ESRRG: variants seen among roughly 807,000 people sequenced by gnomAD.
ESRRG encodes estrogen-related receptor gamma.
A neutral mutation model predicts 44.0 loss-of-function variants in ESRRG; 13 were observed. That is an observed-to-expected ratio of 0.30 (90% CI 0.19 to 0.47). ESRRG has a LOEUF of 0.47. Among genes scored for constraint, ESRRG ranks in the 20% least tolerant of loss-of-function variants. The probability of loss-of-function intolerance (pLI) is 1.00; values close to 1 mark genes in which losing one functional copy is unlikely to be tolerated. For missense variants in ESRRG, 395 were observed against 580.6 expected, an observed-to-expected ratio of 0.68 and a Z score of 3.29; for synonymous variants, 215 against 214.6, an observed-to-expected ratio of 1.00 and a Z score of -0.02.
At chr1:216,922,471 A>T (rs746757247) in intron 2 of ESRRG, among the ~76,000 whole-genome samples, 13 of 152,152 alleles carry the variant, frequency 8.5e-5, no homozygotes, top group Non-Finnish European at 1.6e-4. Flanking sequence ...GGGGCAAGTC[A>T]TTCTTTTCAT....
chr1:216,870,045 G>T (rs1267603267), intron 2 of ESRRG, among the ~76,000 whole-genome samples: 1 of 151,916 alleles, frequency 6.6e-6, no homozygotes, highest in Non-Finnish European at 1.5e-5. Flanking sequence ...TTTGTAGGTA[G>T]ACCATCCTTG....
chr1:216,903,786 C>T (rs2059369404), intron 2 of ESRRG, among the ~76,000 whole-genome samples: 1 of 152,060 alleles, frequency 6.6e-6, no homozygotes, highest in African/African-American at 2.4e-5. Context: ...TACCAACCAC[C>T]CTCTGCAGCT....
intron 5 of ESRRG, among the ~76,000 whole-genome samples, chr1:216,536,031 C>T (rs779488173): frequency 2.6e-5 from 4 of 152,148 alleles, no homozygotes; most frequent in Non-Finnish European, 1.5e-5. Context: ...CTATTTTGTC[C>T]AGACTGACCC....
intron 1 of ESRRG, among the ~76,000 whole-genome samples, chr1:217,051,863 A>G (rs947888818): frequency 2.0e-5 from 3 of 152,174 alleles, no homozygotes; most frequent in African/African-American, 7.2e-5. Flanking sequence ...CCTGGGCTCA[A>G]GCAATCCTCC....
intron 3 of ESRRG, among the ~76,000 whole-genome samples, chr1:216,619,353 A>G (rs1417955653): frequency 6.6e-6 from 1 of 152,242 alleles, no homozygotes; most frequent in Non-Finnish European, 1.5e-5. Context: ...AAAAGACATC[A>G]TTGGAAATAT....
At chr1:216,986,882 T>C (rs1186627747) in intron 1 of ESRRG, among the ~76,000 whole-genome samples, 1 of 152,166 alleles carries the variant, frequency 6.6e-6, no homozygotes, top group Non-Finnish European at 1.5e-5. Context: ...ATTTACATAA[T>C]GTTGCCAATA....
chr1:216,545,241 T>G (rs1041056501), intron 5 of ESRRG, among the ~76,000 whole-genome samples: 2 of 151,440 alleles, frequency 1.3e-5, no homozygotes, highest in Non-Finnish European at 2.9e-5. Context: ...TTTTTTTTTT[T>G]TTTTAAAGAC....
chr1:217,126,378 G>T (rs192069888), intron 1 of ESRRG, among the ~76,000 whole-genome samples: 1 of 151,948 alleles, frequency 6.6e-6, no homozygotes, highest in Non-Finnish European at 1.5e-5. Flanking sequence ...ATTATATCAC[G>T]CCAAGTGGTA....
chr1:217,067,857 CCCA>C (rs760258647), intron 1 of ESRRG, among the ~76,000 whole-genome samples: 55 of 152,066 alleles, frequency 3.6e-4, no homozygotes, highest in Admixed American at 6.6e-4. Flanking sequence ...GAAAAAAAAC[CCCA>C]CAACACTGAC....
intron 1 of ESRRG, among the ~76,000 whole-genome samples, chr1:217,011,183 G>GA (rs1219316860): frequency 1.3e-5 from 2 of 152,094 alleles, no homozygotes; most frequent in Non-Finnish European, 2.9e-5. Flanking sequence ...ACACTCTACA[G>GA]AAAAAATGAC....
At chr1:216,779,178 TATATAAATATATATTTATATTTATAA>T (rs1413274890) in intron 2 of ESRRG, among the ~76,000 whole-genome samples, 1,324 of 49,142 alleles carry the variant, frequency 0.027, 13 homozygotes, top group Non-Finnish European at 0.037. Context: ...TATATATAAT[TATATAAATATATATTTATATTTATAA>T]ATATAAATAT....
intron 2 of ESRRG, among the ~76,000 whole-genome samples, chr1:216,801,831 T>A (rs1380529125): frequency 6.6e-6 from 1 of 152,178 alleles, no homozygotes; most frequent in Non-Finnish European, 1.5e-5. Context: ...CAATTCTTGA[T>A]AATTAGGAGT....
chr1:216,746,374 T>A (rs900619502), intron 2 of ESRRG, among the ~76,000 whole-genome samples: 1 of 152,066 alleles, frequency 6.6e-6, no homozygotes, highest in Non-Finnish European at 1.5e-5. Flanking sequence ...ACCAAACTAA[T>A]AAAATATTCA....
At chr1:217,026,948 G>T (rs2081303221) in intron 1 of ESRRG, among the ~76,000 whole-genome samples, 1 of 145,088 alleles carries the variant, frequency 6.9e-6, no homozygotes, top group Admixed American at 7.0e-5. Flanking sequence ...GAGAGAGAGA[G>T]AAAGCCCAGT....
intron 2 of ESRRG, among the ~76,000 whole-genome samples, chr1:216,875,135 G>A (rs571405699): frequency 1.7e-4 from 26 of 152,132 alleles, no homozygotes; most frequent in African/African-American, 5.5e-4. Context: ...GCTCCCTTTC[G>A]TATATACATA....
At chr1:217,038,260 C>T (rs1290603380) in intron 1 of ESRRG, among the ~76,000 whole-genome samples, 1 of 152,250 alleles carries the variant, frequency 6.6e-6, no homozygotes, top group Non-Finnish European at 1.5e-5. Context: ...GCCCCTGCAG[C>T]AAACTTCTGC....
At chr1:216,958,112 A>G (rs1451325800) in intron 1 of ESRRG, among the ~76,000 whole-genome samples, 2 of 152,206 alleles carry the variant, frequency 1.3e-5, no homozygotes, top group East Asian at 3.8e-4. Flanking sequence ...GAGTATTAAT[A>G]GTTATATCAT....
intron 6 of ESRRG, among the ~76,000 whole-genome samples, chr1:216,514,759 G>A (rs918228103): frequency 5.9e-5 from 9 of 152,242 alleles, no homozygotes; most frequent in African/African-American, 2.2e-4. Flanking sequence ...CTGTGAAATA[G>A]TACTGGACAT....
In ESRRG at chr1:216,745,460, G is replaced by A. The variant is rs1407629383; in HGVS notation, c.-13-67969C>T. On this transcript the variant is annotated intron_variant, in intron 2 of 7. Coordinates refer to the ESRRG transcript ENST00000359162. ...CCTGCCTCGGCCACTCAAGTTGCTG[G>A]GATTACAGGCATGAGCCACCATGCC... Among the ~76,000 whole-genome samples, 4 of 152,100 alleles carry A rather than the reference G, an allele frequency of 2.6e-5. No homozygotes were observed. In the East Asian group the frequency reaches 7.7e-4, roughly 29 times the overall value.
Sources: allele counts gnomAD v4.1 joint callset (sites outside exome capture counted in the v4.1 genomes callset), GRCh38; gene constraint gnomAD v4.1.1; transcripts MANE v1.5; gene names NCBI Gene and HGNC (gene_info 2026-07-23, HGNC 2026-07-21).